The following SRRM3 variants were observed in gnomAD, a reference collection of about 807,000 sequenced individuals.
The protein encoded by SRRM3 is serine/arginine repetitive matrix protein 3.
A neutral mutation model predicts 66.2 loss-of-function variants in SRRM3; 27 were observed. The observed-to-expected ratio is 0.41, with a 90% CI of 0.30 to 0.56. The LOEUF (loss-of-function observed/expected upper bound fraction) is 0.56, where lower values mean the gene tolerates loss of function less well. SRRM3 is among the 20% of genes least tolerant of loss of function. The pLI is 0.32. For missense variants in SRRM3, 918 were observed against 991.9 expected, an observed-to-expected ratio of 0.93 and a Z score of 1.00; for synonymous variants, 391 against 414.9, an observed-to-expected ratio of 0.94 and a Z score of 0.70.
At chr7:76,270,961 G>A (rs1802195580) in intron 11 of SRRM3, among the ~76,000 whole-genome samples, 2 of 151,244 alleles carry the variant, frequency 1.3e-5, no homozygotes, top group Non-Finnish European at 2.9e-5. Context: ...GATGACAAGA[G>A]CGAGACTCTG....
chr7:76,220,572 G>A (rs1396962488), intron 1 of SRRM3, among the ~76,000 whole-genome samples: 1 of 152,196 alleles, frequency 6.6e-6, no homozygotes, highest in Non-Finnish European at 1.5e-5. Context: ...AACTTTGCCA[G>A]CCCAGCCACC....
Position 76,283,164 on chromosome 7 carries a change from A to G in SRRM3, c.1733+63A>G, listed in dbSNP as rs933232950. 2.6e-4 allele frequency: 348 copies of G among 1,326,610 alleles called. 1 individual carries two copies. The highest frequency in any genetic ancestry group is 1.7e-3 in the Middle Eastern group (7 of 4,042). 82.2% of individuals were successfully genotyped at this position (1,326,610 alleles called of 1,614,324 possible). On this transcript the variant is annotated intron_variant, in intron 14 of 14. Transcript: ENST00000611745. ...GGGGCCGCTGACCCGGATCAGGGACAGAGACCTCGGCCCGGGGACCTTCTC... is the reference window on the plus strand; with the variant it reads ...GGGGCCGCTGACCCGGATCAGGGACGGAGACCTCGGCCCGGGGACCTTCTC...
chr7:76,202,227 G>A (rs1187884115), intron 1 of SRRM3, among the ~76,000 whole-genome samples, 160 bp downstream of exon 1: 1 of 152,210 alleles, frequency 6.6e-6, no homozygotes, highest in Non-Finnish European at 1.5e-5. Context: ...GGCGCCCGGG[G>A]AGCAGAGATG....
intron 1 of SRRM3, among the ~76,000 whole-genome samples, chr7:76,229,775 G>A (rs533773642): frequency 2.3e-5 from 3 of 133,118 alleles, no homozygotes; most frequent in Non-Finnish European, 3.1e-5. Context: ...ACGGAGTCTC[G>A]CTCAATTGCC....
intron 1 of SRRM3, among the ~76,000 whole-genome samples, chr7:76,205,038 C>T (rs906836725): frequency 6.6e-6 from 1 of 152,140 alleles, no homozygotes; most frequent in South Asian, 2.1e-4. Flanking sequence ...GAACCCTCCC[C>T]CATCTCTGAT....
intron 2 of SRRM3, among the ~76,000 whole-genome samples, chr7:76,237,559 A>G (rs566443490): frequency 5.3e-4 from 81 of 152,324 alleles, no homozygotes; most frequent in African/African-American, 1.9e-3. Context: ...TGAGCAACGG[A>G]GGGAGACTCC....
chr7:76,212,618 G>C (rs561281947), intron 1 of SRRM3, among the ~76,000 whole-genome samples: 2 of 151,568 alleles, frequency 1.3e-5, no homozygotes, highest in Non-Finnish European at 2.9e-5. Flanking sequence ...ACAGGCACCC[G>C]CCACCATGCC....
chr7:76,230,311 C>T lies in SRRM3; in HGVS notation c.-39-4717C>T, dbSNP rs1301228516. On this transcript the variant is annotated intron_variant, in intron 1 of 14. Coordinates refer to ENST00000611745, the MANE Select transcript of SRRM3 (RefSeq NM_001110199.3). ...AGGTCAATCAATCAACCAATTACAA[C>T]AAAATGGGATATTAGCACCCACCAG... Among the ~76,000 whole-genome samples the T allele has an allele frequency of 2.6e-5, 4 of 152,094 alleles. No homozygotes were observed. In the East Asian group the frequency reaches 7.7e-4, roughly 29 times the overall value.
intron 5 of SRRM3, among the ~76,000 whole-genome samples, chr7:76,260,475 C>G (rs1801833814): frequency 6.9e-6 from 1 of 145,424 alleles, no homozygotes. Flanking sequence ...TCTCTGGGGC[C>G]CGCCCCTCAC....
chr7:76,254,807 T>TG (rs782638795), intron 3 of SRRM3, among the ~76,000 whole-genome samples: 6 of 151,892 alleles, frequency 4.0e-5, no homozygotes, highest in African/African-American at 7.3e-5. Flanking sequence ...CCTGGAAGGA[T>TG]GGGGCTTGAT....
At chr7:76,225,835 C>T (rs797030921) in intron 1 of SRRM3, among the ~76,000 whole-genome samples, 19 of 152,268 alleles carry the variant, frequency 1.2e-4, no homozygotes, top group African/African-American at 4.6e-4. Context: ...GAGGAAGATG[C>T]TATTATTAAA....
At chr7:76,282,067 A>G (rs1235497581) in intron 12 of SRRM3, among the ~76,000 whole-genome samples, 5 of 125,990 alleles carry the variant, frequency 4.0e-5, no homozygotes, top group African/African-American at 1.5e-4. Context: ...CCAAACCCCT[A>G]TGGACCCCAT....
Position 76,240,489 on chromosome 7 carries a change from A to G in SRRM3, c.233+5190A>G, listed in dbSNP as rs1214241808. Among the ~76,000 whole-genome samples the G allele has an allele frequency of 5.3e-5, 8 of 151,378 alleles. No individual in the cohort carries two copies. The South Asian group carries it at 8.4e-4, about 16-fold the overall frequency. ...CAAAAAATTAGCCGGGTGTGGTGGC[A>G]GGTGCCTGTAGTCCCAGCTACTCAG... On this transcript the variant is annotated intron_variant, in intron 2 of 14. Transcript: ENST00000611745.
chr7:76,219,447 T>C (rs186713310), intron 1 of SRRM3, among the ~76,000 whole-genome samples: 2 of 152,178 alleles, frequency 1.3e-5, no homozygotes, highest in Non-Finnish European at 2.9e-5. Context: ...TCAGTGATGC[T>C]CCAGCCCCCA....
chr7:76,236,914 G>A (rs1583894033), intron 2 of SRRM3, among the ~76,000 whole-genome samples: 1 of 152,140 alleles, frequency 6.6e-6, no homozygotes, highest in African/African-American at 2.4e-5. Flanking sequence ...GGAGGGGCGA[G>A]GTGGGGAGCA....
chr7:76,265,317 C>CG (rs782312943), intron 9 of SRRM3, 47 bp from the exon 10 acceptor site: 11 of 1,456,744 alleles, frequency 7.6e-6, no homozygotes, highest in Non-Finnish European at 8.4e-6. Flanking sequence ...GGGGGGATCA[C>CG]GGGGGGCAGA....
At position 76,235,303 on chromosome 7, in the gene SRRM3, A is replaced by AGCAGGCCGCGGGGCGG. The variant is rs782165692; in HGVS notation, c.233+6_233+21dup. 37 of 1,496,934 alleles carry AGCAGGCCGCGGGGCGG rather than the reference A, an allele frequency of 2.5e-5. No individual in the cohort carries two copies. The South Asian group carries it at 4.5e-4, about 18-fold the overall frequency. 92.7% of individuals were successfully genotyped at this position (1,496,934 alleles called of 1,614,324 possible). A position where few individuals can be genotyped will look rare whatever the true frequency, so the allele number is the denominator to read the frequency against. Reference sequence around the variant, plus strand: ...AGGAGATGATGGAGGAGCAGGGGTGAGCAGGCCGCGGGGCGGGACTGGGGT... The same window carrying AGCAGGCCGCGGGGCGG: ...AGGAGATGATGGAGGAGCAGGGGTGAGCAGGCCGCGGGGCGGGCAGGCCGCGGGGCGGGACTGGGGT... On this transcript the variant is annotated splice_donor_region_variant and intron_variant, in intron 2 of 14. Transcript: ENST00000611745.
At chr7:76,266,481 AT>A (rs1401401861) in intron 10 of SRRM3, among the ~76,000 whole-genome samples, 1 of 111,092 alleles carries the variant, frequency 9.0e-6, no homozygotes, top group Non-Finnish European at 1.6e-5. Flanking sequence ...ATATTTATAT[AT>A]TTTATATATT....
intron 3 of SRRM3, among the ~76,000 whole-genome samples, chr7:76,256,917 T>C (rs1554607770): frequency 6.6e-6 from 1 of 151,964 alleles, no homozygotes; most frequent in Admixed American, 6.6e-5. Context: ...CCATGTTGGG[T>C]CAGGCTGGTC....
Sources: allele counts gnomAD v4.1 joint callset (sites outside exome capture counted in the v4.1 genomes callset), GRCh38; gene constraint gnomAD v4.1.1; transcripts MANE v1.5; gene names NCBI Gene and HGNC (gene_info 2026-07-23, HGNC 2026-07-21).